GNG2: variants seen among roughly 807,000 people sequenced by gnomAD.
GNG2 encodes G protein subunit gamma 2, also known as guanine nucleotide-binding protein G(I)/G(S)/G(O) subunit gamma-2.
Under a neutral mutation model 5.5 loss-of-function variants are expected in GNG2, and 5 were observed. The ratio of observed to expected loss-of-function variants is 0.91; its 90% CI spans 0.48 to 1.92. The LOEUF is 1.92. Among genes scored for constraint, GNG2 ranks in the 30% most tolerant of loss-of-function variants. The pLI, the probability that GNG2 is intolerant of heterozygous loss-of-function variation, is 0.01. For synonymous variants in GNG2, 28 were observed against 32.0 expected (o/e 0.88, Z 0.42); for missense variants, 55 against 88.4 (o/e 0.62, Z 1.52).
intron 1 of GNG2, chr14:51,873,927 T>A (rs1883470214): frequency 6.6e-6 from 1 of 152,172 alleles, no homozygotes; most frequent in East Asian, 1.9e-4. Context: ...TGCAGGCCTG[T>A]GGGATACAAA....
Position 51,966,635 on chromosome 14 carries a change from C to T in GNG2, c.164C>T (p.Pro55Leu), listed in dbSNP as rs139067662. 9 of 1,613,644 alleles carry T rather than the reference C, an allele frequency of 5.6e-6. No individual in the cohort carries two copies. The highest frequency in any genetic ancestry group is 7.6e-6 in the Non-Finnish European group (9 of 1,179,556). Residue 55 changes from proline to leucine, a missense_variant, in exon 4 of 4, where the codon CCG (proline) becomes CTG (leucine). Pro to Leu is a moderately conservative substitution (Grantham distance 98). Transcript: ENST00000556766. ...AKEDPLLTPV[P>L]ASENPFREKK... ...GAAGACCCCCTCCTGACCCCTGTTC[C>T]GGCTTCAGAAAACCCGTTTAGGGAG...
intron 3 of GNG2, among the ~76,000 whole-genome samples, chr14:51,965,196 G>A (rs1044705473): frequency 2.0e-5 from 3 of 152,192 alleles, no homozygotes; most frequent in Non-Finnish European, 2.9e-5. Flanking sequence ...CCACTTGTAG[G>A]AAGGGGCAGT....
chr14:51,906,757 C>CTCTTTTTTTTT (rs1885946263), intron 2 of GNG2, among the ~76,000 whole-genome samples: 1 of 105,308 alleles, frequency 9.5e-6, no homozygotes, highest in African/African-American at 3.7e-5. Flanking sequence ...TGGAGAATCT[C>CTCTTTTTTTTT]TTTTTTTTTT....
At chr14:51,923,671 A>T (rs773057176) in intron 2 of GNG2, among the ~76,000 whole-genome samples, 1 of 152,210 alleles carries the variant, frequency 6.6e-6, no homozygotes, top group Non-Finnish European at 1.5e-5. Context: ...GCACTTTCTT[A>T]AATGGAGAAA....
At chr14:51,830,807 A>G (rs1387905162) in intron 2 of GNG2, among the ~76,000 whole-genome samples, 1 of 152,206 alleles carries the variant, frequency 6.6e-6, no homozygotes. Context: ...TCGTTACTGC[A>G]GCAAAAGTGC....
chr14:51,952,480 A>G (rs142615017), intron 3 of GNG2, among the ~76,000 whole-genome samples: 5 of 152,342 alleles, frequency 3.3e-5, no homozygotes, highest in African/African-American at 1.2e-4. Context: ...CAAATCAGAA[A>G]GGGTCATTCA....
At chr14:51,831,967 A>C (rs1246930218) in intron 2 of GNG2, among the ~76,000 whole-genome samples, 1 of 152,212 alleles carries the variant, frequency 6.6e-6, no homozygotes, top group Non-Finnish European at 1.5e-5. Flanking sequence ...CATGTATCAA[A>C]GTTTTATTTT....
chr14:51,928,233 T>C (rs1887449443), intron 2 of GNG2, among the ~76,000 whole-genome samples: 1 of 152,018 alleles, frequency 6.6e-6, no homozygotes, highest in Non-Finnish European at 1.5e-5. Context: ...GGTTTCACCA[T>C]GCTGGCCAAG....
At chr14:51,862,092 C>CT (rs1354811838) in intron 1 of GNG2, among the ~76,000 whole-genome samples, 1 of 152,070 alleles carries the variant, frequency 6.6e-6, no homozygotes, top group Non-Finnish European at 1.5e-5. Context: ...TTGTTAAGAG[C>CT]TATAGGGCTA....
chr14:51,936,339 G>C (rs962684387), intron 2 of GNG2, among the ~76,000 whole-genome samples: 4 of 152,150 alleles, frequency 2.6e-5, no homozygotes, highest in African/African-American at 9.7e-5. Flanking sequence ...TTTCTTGGAA[G>C]TGCTCTTGGT....
intron 2 of GNG2, among the ~76,000 whole-genome samples, chr14:51,945,675 T>A (rs1055435301): frequency 1.3e-5 from 2 of 152,290 alleles, no homozygotes; most frequent in Middle Eastern, 6.8e-3. Flanking sequence ...ATGGTTAAGA[T>A]AGTAATTTTA....
chr14:51,904,571 C>T (rs1055430940), intron 2 of GNG2, among the ~76,000 whole-genome samples: 2 of 152,170 alleles, frequency 1.3e-5, no homozygotes, highest in African/African-American at 4.8e-5. Context: ...GTGCAGGGGC[C>T]TGGGCTTCAC....
intron 2 of GNG2, among the ~76,000 whole-genome samples, chr14:51,933,108 G>T (rs773821512): frequency 2.6e-4 from 40 of 152,202 alleles, no homozygotes; most frequent in Non-Finnish European, 5.1e-4. Flanking sequence ...GGCTCTGCTG[G>T]CACCTTGATT....
chr14:51,921,470 A>G (rs1566687901), intron 2 of GNG2, among the ~76,000 whole-genome samples: 1 of 152,204 alleles, frequency 6.6e-6, no homozygotes, highest in African/African-American at 2.4e-5. Context: ...ACATTTCCAC[A>G]ATTCTTACCA....
At chr14:51,926,775 T>A (rs535473505) in intron 2 of GNG2, among the ~76,000 whole-genome samples, 1 of 152,126 alleles carries the variant, frequency 6.6e-6, no homozygotes, top group South Asian at 2.1e-4. Flanking sequence ...CCCTTTTTTT[T>A]CTTTCCACCC....
chr14:51,884,684 C>A (rs1884327668), intron 2 of GNG2, among the ~76,000 whole-genome samples: 1 of 152,176 alleles, frequency 6.6e-6, no homozygotes, highest in South Asian at 2.1e-4. Flanking sequence ...GCCCCTTGGA[C>A]AAGTTATTTA....
chr14:51,848,072 C>G (rs1396450391), intron 2 of GNG2, among the ~76,000 whole-genome samples: 1 of 151,898 alleles, frequency 6.6e-6, no homozygotes, highest in Non-Finnish European at 1.5e-5. Flanking sequence ...AATAGCTCCA[C>G]CAGTCACCAT....
At chr14:51,927,758 ATTG>A (rs1340270397) in intron 2 of GNG2, among the ~76,000 whole-genome samples, 1 of 152,188 alleles carries the variant, frequency 6.6e-6, no homozygotes, top group Non-Finnish European at 1.5e-5. Flanking sequence ...TTTCTGTTCA[ATTG>A]CCCAGTTAGA....
intron 2 of GNG2, among the ~76,000 whole-genome samples, chr14:51,938,563 A>G (rs917067501): frequency 2.0e-5 from 3 of 152,204 alleles, no homozygotes; most frequent in Non-Finnish European, 4.4e-5. Flanking sequence ...TTCTCACTGT[A>G]AAACAGCTGG....
Sources: gnomAD v4.1 joint callset for allele counts (sites outside exome capture counted in the v4.1 genomes callset) on GRCh38, gnomAD v4.1.1 for gene constraint, MANE v1.5 for transcripts, NCBI Gene and HGNC (gene_info 2026-07-23, HGNC 2026-07-21) for gene names.